The following SPON1 variants were observed in gnomAD, a reference collection of about 807,000 sequenced individuals.
The protein encoded by SPON1 is spondin 1.
SPON1 carries 52 observed loss-of-function variants against 111.7 expected under a neutral mutation model. The observed-to-expected ratio is 0.47, with a 90% CI of 0.37 to 0.59. The LOEUF (loss-of-function observed/expected upper bound fraction) is 0.59, where lower values mean the gene tolerates loss of function less well. Among genes scored for constraint, SPON1 ranks in the 20% least tolerant of loss-of-function variants. The pLI is 0.00. For synonymous variants in SPON1, 410 were observed against 395.8 expected (o/e 1.04, Z -0.43); for missense variants, 957 against 1,068.5 (o/e 0.90, Z 1.46).
chr11:14,060,946 T>TA (rs5789819), intron 3 of SPON1, among the ~76,000 whole-genome samples: 33,554 of 150,658 alleles, frequency 0.22, 4,090 homozygotes, highest in Middle Eastern at 0.32. Context: ...TCTAGTTTGG[T>TA]AAAAAAAAAG....
intron 15 of SPON1, among the ~76,000 whole-genome samples, chr11:14,264,858 G>C (rs80215552): frequency 7.9e-5 from 12 of 152,310 alleles, no homozygotes; most frequent in Middle Eastern, 3.4e-3. Context: ...TGAGTAGGAA[G>C]AACAAAAATT....
chr11:14,001,932 A>G (rs529771351), intron 2 of SPON1, among the ~76,000 whole-genome samples: 2 of 152,216 alleles, frequency 1.3e-5, no homozygotes, highest in Non-Finnish European at 1.5e-5. Flanking sequence ...GTGATCAATA[A>G]ATGGTAGTCA....
chr11:14,076,106 A>G (rs1848915594), intron 4 of SPON1, among the ~76,000 whole-genome samples: 1 of 152,206 alleles, frequency 6.6e-6, no homozygotes, highest in African/African-American at 2.4e-5. Flanking sequence ...CACATAGTAA[A>G]TGCTGTCTAT....
intron 6 of SPON1, among the ~76,000 whole-genome samples, chr11:14,141,579 G>A (rs1166607592): frequency 3.3e-5 from 5 of 152,098 alleles, no homozygotes; most frequent in South Asian, 2.1e-4. Flanking sequence ...AGGATGACTT[G>A]AACCAGCCCA....
intron 5 of SPON1, among the ~76,000 whole-genome samples, chr11:14,109,684 C>G (rs1849212736): frequency 6.6e-6 from 1 of 152,196 alleles, no homozygotes; most frequent in South Asian, 2.1e-4. Flanking sequence ...ATTAAATTAA[C>G]TGGCTCCCCC....
intron 6 of SPON1, among the ~76,000 whole-genome samples, chr11:14,214,836 G>T (rs1848610850): frequency 6.6e-6 from 1 of 152,196 alleles, no homozygotes; most frequent in Admixed American, 6.5e-5. Flanking sequence ...AACTCCCCCT[G>T]TGAGAGAGGA....
Position 14,135,566 on chromosome 11 carries a change from C to G in SPON1, c.823C>G (p.Gln275Glu). The change falls in exon 6 of 16, where the codon CAG becomes GAG. Residue 275 changes from glutamine (Q) to glutamate (E), a missense_variant and splice_region_variant. Gln to Glu is a conservative substitution (Grantham distance 29). Transcript: ENST00000576479. The surrounding 1 kb of genome is among the most constrained non-coding windows in gnomAD (Gnocchi z 4.4). The stretch of plus-strand genomic sequence containing the variant: ...GAAAATGGAGGAAGAAATTCGACAA[C>G]AGGTAAGACAAAAAAATCACAGAAT... Reference protein sequence around the residue: ...PVKMEEEIRQQSDEVLTVIKA... With the variant: ...PVKMEEEIRQESDEVLTVIKA... The G allele has an allele frequency of 6.2e-7, 1 of 1,612,272 alleles. No individual in the cohort carries two copies. The highest frequency in any genetic ancestry group is 8.5e-7 in the Non-Finnish European group (1 of 1,178,810).
At chr11:13,983,605 A>G (rs540229290) in intron 2 of SPON1, among the ~76,000 whole-genome samples, 36 of 152,294 alleles carry the variant, frequency 2.4e-4, no homozygotes, top group African/African-American at 7.9e-4. Flanking sequence ...AGTGAGTCAT[A>G]TTTCACTGTG....
intron 5 of SPON1, among the ~76,000 whole-genome samples, chr11:14,131,925 C>T (rs781786461): frequency 1.3e-5 from 2 of 152,224 alleles, no homozygotes; most frequent in Non-Finnish European, 2.9e-5. Context: ...CTTATTCCTT[C>T]CCCCTGGCCA....
In SPON1 at chr11:14,228,478, G is replaced by T. The variant is rs537207848; in HGVS notation, c.826-14854G>T. ...GATGTGCAGAGGGAGAAGTTGAGCT[G>T]TGTCGCAGGCCCAACAAAGACCTCT... On this transcript the variant is annotated intron_variant, in intron 6 of 15. Coordinates refer to ENST00000576479, the MANE Select transcript of SPON1 (RefSeq NM_006108.4). The surrounding 1 kb of genome is among the most constrained non-coding windows in gnomAD (Gnocchi z 4.2). Among the ~76,000 whole-genome samples, 1 of 152,296 alleles carries T rather than the reference G, an allele frequency of 6.6e-6. No individual in the cohort carries two copies. Among genetic ancestry groups the T allele is most frequent in the East Asian group, 1.9e-4 (1 of 5,188 alleles).
In SPON1 at chr11:14,041,586, A is replaced by C. The variant is rs1554917276; in HGVS notation, c.411A>C (p.Pro137=). The change falls in exon 3 of 16, where the codon CCA becomes CCC. Residue 137 remains proline, a synonymous_variant. Coordinates refer to ENST00000576479, the MANE Select transcript of SPON1 (RefSeq NM_006108.4). The part of the protein sequence containing the change: ...NCPVAVTEST[P]RRRTRIQVFW... ...CTGTTGCAGTCACTGAAAGCACTCC[A>C]CGGAGGAGGACCCGGATCCAGGTGT... 6 of 1,613,942 alleles carry C rather than the reference A, an allele frequency of 3.7e-6. 1 individual carries two copies. The South Asian group carries it at 6.6e-5, about 18-fold the overall frequency.
In SPON1 at chr11:14,238,904, C is replaced by T. The variant is rs554375489; in HGVS notation, c.826-4428C>T. ...ACCATGAACGATGGATGCCCTGAGA[C>T]ACTTTGTTTGAAAAGGGTCCTGTGG... On this transcript the variant is annotated intron_variant, in intron 6 of 15. Transcript: ENST00000576479. Among the ~76,000 whole-genome samples, 261 of 152,302 alleles carry T rather than the reference C, an allele frequency of 1.7e-3. 2 individuals carry two copies. The highest frequency in any genetic ancestry group is 3.1e-3 in the Non-Finnish European group (212 of 68,016).
intron 5 of SPON1, among the ~76,000 whole-genome samples, chr11:14,126,309 C>T (rs1465329155): frequency 3.3e-5 from 5 of 152,196 alleles, no homozygotes; most frequent in African/African-American, 1.2e-4. Flanking sequence ...CACCCTGTCT[C>T]CTTCAACACT....
At chr11:14,168,505 CTTTTAT>C (rs1388169734) in intron 6 of SPON1, among the ~76,000 whole-genome samples, 2 of 151,044 alleles carry the variant, frequency 1.3e-5, no homozygotes, top group Non-Finnish European at 3.0e-5. Context: ...CTTTTTTTTT[CTTTTAT>C]TTTTATTATA....
chr11:14,062,989 T>G (rs1278665114), intron 3 of SPON1, among the ~76,000 whole-genome samples: 5 of 151,896 alleles, frequency 3.3e-5, no homozygotes, highest in African/African-American at 7.3e-5. Context: ...AGATAGAGAC[T>G]TCCCCCTCCT....
At chr11:14,064,510 G>A (rs1254718033) in intron 3 of SPON1, among the ~76,000 whole-genome samples, 1 of 152,194 alleles carries the variant, frequency 6.6e-6, no homozygotes, top group African/African-American at 2.4e-5. Context: ...TTGGGGAGGG[G>A]GGTATCAGAC....
intron 1 of SPON1, among the ~76,000 whole-genome samples, chr11:13,967,008 G>C (rs1848023024): frequency 6.6e-6 from 1 of 152,238 alleles, no homozygotes; most frequent in Admixed American, 6.5e-5. Flanking sequence ...ATTGTGTTAA[G>C]TTCTTCCGAC....
In SPON1 at chr11:14,157,771, C is replaced by T. The variant is rs568893823; in HGVS notation, c.825+22203C>T. Among the ~76,000 whole-genome samples, 7 of 152,140 alleles carry T rather than the reference C, an allele frequency of 4.6e-5. No individual in the cohort carries two copies. The South Asian group carries it at 1.5e-3, about 32-fold the overall frequency. On this transcript the variant is annotated intron_variant, in intron 6 of 15. Coordinates refer to ENST00000576479, the MANE Select transcript of SPON1 (RefSeq NM_006108.4). ...TTTAGCGTGGATATTTCCTAGTCCT[C>T]TCCTCTGCTAGTCTGAAATGCTATT...
At chr11:14,211,276 G>T (rs1848572856) in intron 6 of SPON1, among the ~76,000 whole-genome samples, 1 of 152,060 alleles carries the variant, frequency 6.6e-6, no homozygotes, top group Non-Finnish European at 1.5e-5. Context: ...AGCAACTTCA[G>T]CAAAGTCTCA....
Sources: allele counts gnomAD v4.1 joint callset (sites outside exome capture counted in the v4.1 genomes callset), GRCh38; gene constraint gnomAD v4.1.1; non-coding constraint Gnocchi (gnomAD v3.1); transcripts MANE v1.5; gene names NCBI Gene and HGNC (gene_info 2026-07-23, HGNC 2026-07-21).